Variants in SLC43A2 observed in about 807,000 individuals in gnomAD.
SLC43A2 encodes the protein large neutral amino acids transporter small subunit 4.
A neutral mutation model predicts 63.2 loss-of-function variants in SLC43A2; 38 were observed. The observed-to-expected ratio is 0.60, with a 90% CI of 0.46 to 0.79. SLC43A2 has a LOEUF of 0.79. Among genes scored for constraint, SLC43A2 ranks in the 30% least tolerant of loss-of-function variants. SLC43A2 has a pLI of 0.00. For synonymous variants in SLC43A2, 322 were observed against 331.0 expected, an observed-to-expected ratio of 0.97 and a Z score of 0.30; for missense variants, 644 against 756.2, an observed-to-expected ratio of 0.85 and a Z score of 1.74.
intron 1 of SLC43A2, chr17:1,628,149 G>C (rs4995767): frequency 0.015 from 4,718 of 323,048 alleles, 52 homozygotes; most frequent in Non-Finnish European, 0.019. Context: ...GCCCCGGCCA[G>C]GCAGGGAGAC....
At chr17:1,616,295 T>C (rs1002861076) in intron 3 of SLC43A2, 7 of 499,238 alleles carry the variant, frequency 1.4e-5, no homozygotes, top group Non-Finnish European at 2.5e-5. Flanking sequence ...TACAAAGGGA[T>C]GGGAAACACA....
chr17:1,594,645 TG>T (rs1905113743), intron 5 of SLC43A2, among the ~76,000 whole-genome samples: 2 of 138,284 alleles, frequency 1.4e-5, no homozygotes, highest in African/African-American at 2.7e-5. Context: ...TGTACTGCAG[TG>T]GCTCTATCTC....
chr17:1,587,015 A>G, intron 9 of SLC43A2: 1 of 1,520,022 alleles, frequency 6.6e-7, no homozygotes, highest in Non-Finnish European at 8.8e-7. Context: ...TAGTGGCAGA[A>G]ATCTCAGTGC....
intron 5 of SLC43A2, among the ~76,000 whole-genome samples, chr17:1,601,066 GTGTTTGTTTGTT>G (rs60232078): frequency 2.7e-5 from 4 of 150,390 alleles, no homozygotes; most frequent in South Asian, 2.1e-4. Flanking sequence ...CAGTTTGGTG[GTGTTTGTTTGTT>G]TGTTTGTTTG....
At chr17:1,586,178 C>A (rs2076099185) in intron 9 of SLC43A2, 127 bp from the exon 10 acceptor site, 2 of 1,399,272 alleles carry the variant, frequency 1.4e-6, no homozygotes, top group Non-Finnish European at 1.9e-6. Flanking sequence ...CCCCCTGTCA[C>A]TATGGGTCTT....
Position 1,625,134 on chromosome 17 carries a change from C to A in SLC43A2, c.160+2581G>T, listed in dbSNP as rs139758982. Among the ~76,000 whole-genome samples the A allele has an allele frequency of 1.5e-3, 228 of 152,240 alleles. 3 individuals are homozygous for A. Among genetic ancestry groups the A allele is most frequent in the African/African-American group, 5.3e-3 (220 of 41,562 alleles). ...CGAGGGAGGCATCCAGCAGCCAACA[C>A]CTGGAGGACGTTGTGCAAAACCCAT... On this transcript the variant is annotated intron_variant, in intron 2 of 13. Coordinates refer to ENST00000301335, the MANE Select transcript of SLC43A2 (RefSeq NM_152346.3).
At chr17:1,622,577 AC>A (rs1908270363) in intron 2 of SLC43A2, among the ~76,000 whole-genome samples, 2 of 141,908 alleles carry the variant, frequency 1.4e-5, no homozygotes, top group South Asian at 4.4e-4. Flanking sequence ...AAAAAAAAAA[AC>A]TATCCACACT....
chr17:1,614,972 CACTCACCGTTTGGTTT>C lies in SLC43A2; in HGVS notation c.415_424+6del, dbSNP rs779790778. 6.2e-6 allele frequency: 10 copies of C among 1,613,720 alleles called. No individual in the cohort carries two copies. Among genetic ancestry groups the C allele is most frequent in the Non-Finnish European group, 8.5e-6 (10 of 1,179,902 alleles). On this transcript the variant is annotated splice_donor_variant and splice_donor_5th_base_variant and coding_sequence_variant and intron_variant, in exon 4 of 14. Coordinates refer to ENST00000301335, the MANE Select transcript of SLC43A2 (RefSeq NM_152346.3). LOFTEE classifies it high-confidence loss of function. ...CCTGACAGAAGATGGAGGGAGAGGA[CACTCACCGTTTGGTTT>C]ACTTGCTCCGTACGCAATCAGCAAG...
At chr17:1,613,859 G>A (rs1157690695) in intron 4 of SLC43A2, among the ~76,000 whole-genome samples, 3 of 152,142 alleles carry the variant, frequency 2.0e-5, no homozygotes, top group African/African-American at 4.8e-5. Context: ...AACACTTTGG[G>A]AGGCTGAAGC....
Position 1,605,150 on chromosome 17 carries a change from C to T in SLC43A2, c.501+8045G>A, listed in dbSNP as rs962915318. The stretch of plus-strand genomic sequence containing the variant: ...ACAGCCCCCTCGCCGCCTCTGCCTC[C>T]GTGCGGGTCAACCTGTCCTGCCAGC... On this transcript the variant is annotated intron_variant, in intron 5 of 13. Coordinates refer to ENST00000301335, the MANE Select transcript of SLC43A2 (RefSeq NM_152346.3). The surrounding 1 kb of genome is among the most constrained non-coding windows in gnomAD (Gnocchi z 4.9). 3.1e-5 allele frequency: 39 copies of T among 1,258,402 alleles called. No individual in the cohort carries two copies. The highest frequency in any genetic ancestry group is 1.7e-4 in the East Asian group (4 of 23,888). 78.0% of individuals were successfully genotyped at this position (1,258,402 alleles called of 1,614,324 possible). A position where few individuals can be genotyped will look rare whatever the true frequency, so the allele number is the denominator to read the frequency against.
chr17:1,619,524 C>T (rs574633482), intron 2 of SLC43A2, among the ~76,000 whole-genome samples: 13 of 152,198 alleles, frequency 8.5e-5, no homozygotes, highest in South Asian at 2.1e-4. Flanking sequence ...CTCTACCACA[C>T]GGTCAGCCAA....
chr17:1,601,633 G>A (rs1906030911), intron 5 of SLC43A2, among the ~76,000 whole-genome samples: 1 of 151,386 alleles, frequency 6.6e-6, no homozygotes, highest in South Asian at 2.1e-4. Flanking sequence ...GACTACCCCA[G>A]GCATGCACCG....
chr17:1,582,616 A>T (rs536348930), intron 11 of SLC43A2, among the ~76,000 whole-genome samples: 2 of 152,314 alleles, frequency 1.3e-5, no homozygotes, highest in South Asian at 4.1e-4. Flanking sequence ...ACGGTTATGC[A>T]AGACGCCCCC....
Position 1,616,731 on chromosome 17 carries a change from G to A in SLC43A2, c.199C>T (p.Pro67Ser), listed in dbSNP as rs1907713993. 4 of 1,613,970 alleles carry A rather than the reference G, an allele frequency of 2.5e-6. No homozygotes were observed. Among genetic ancestry groups the A allele is most frequent in the Non-Finnish European group, 3.4e-6 (4 of 1,180,046 alleles). Reference sequence around the variant, plus strand: ...ATCCAGCTCACCTCCTCGTGCCCCGGCTCTGCTGTGCCGCCCACTGTGCCA... The same window carrying A: ...ATCCAGCTCACCTCCTCGTGCCCCGACTCTGCTGTGCCGCCCACTGTGCCA... ...TNGTVGGTAE[P>S]GHEEVSWMNG... The change falls in exon 3 of 14, where the codon CCG becomes TCG. Residue 67 changes from proline (P) to serine (S), a missense_variant. Pro to Ser is a moderately conservative substitution (Grantham distance 74). Transcript: ENST00000301335.
In SLC43A2 at chr17:1,578,650, TC is replaced by T; in HGVS notation, c.1351-328del. The T allele has an allele frequency of 3.6e-6, 1 of 277,270 alleles. No individual in the cohort carries two copies. Among genetic ancestry groups the T allele is most frequent in the South Asian group, 6.5e-5 (1 of 15,398 alleles). The allele number at this position is 277,270 out of a possible 1,614,324, so 17.2% of individuals were successfully genotyped here. The stretch of plus-strand genomic sequence containing the variant: ...TCAAGCAATTCTCCTGCCTCAGCCT[TC>T]GGAGTAGCTAGGATTACAGGCCCAC... On this transcript the variant is annotated intron_variant, in intron 11 of 13. Coordinates refer to ENST00000301335, the MANE Select transcript of SLC43A2 (RefSeq NM_152346.3). The surrounding 1 kb of genome is among the most constrained non-coding windows in gnomAD (Gnocchi z 6.5).
chr17:1,578,927 G>C lies in SLC43A2; in HGVS notation c.1351-604C>G, dbSNP rs1419358021. Among the ~76,000 whole-genome samples, 1 of 152,108 alleles carries C rather than the reference G, an allele frequency of 6.6e-6. No individual in the cohort carries two copies. Among genetic ancestry groups the C allele is most frequent in the Admixed American group, 6.5e-5 (1 of 15,276 alleles). ...AGGCCGAGGAGGTGGATCACCTGAG[G>C]TCAGGAGTTCGAAACCAGCCTGGCC... On this transcript the variant is annotated intron_variant, in intron 11 of 13. Transcript: ENST00000301335. This position sits in a 1 kb window ranked among gnomAD's most constrained non-coding sequence, Gnocchi z 6.5.
chr17:1,591,739 G>GCTGGGCC, intron 6 of SLC43A2, 40 bp from the exon 7 acceptor site: 1 of 512,308 alleles, frequency 2.0e-6, no homozygotes, highest in Non-Finnish European at 3.9e-6. Context: ...GGGGGAGGGG[G>GCTGGGCC]CAGAGTTAGC....
At chr17:1,624,759 C>T (rs1476960765) in intron 2 of SLC43A2, among the ~76,000 whole-genome samples, 5 of 151,520 alleles carry the variant, frequency 3.3e-5, no homozygotes, top group East Asian at 3.9e-4. Flanking sequence ...AGTATGGTGG[C>T]GCACACTTGT....
At chr17:1,581,652 C>T (rs535091216) in intron 11 of SLC43A2, among the ~76,000 whole-genome samples, 1 of 152,288 alleles carries the variant, frequency 6.6e-6, no homozygotes, top group East Asian at 1.9e-4. Flanking sequence ...CGTCCCTCCA[C>T]CATTTGTAAA....
Sources: allele counts gnomAD v4.1 joint callset (sites outside exome capture counted in the v4.1 genomes callset), GRCh38; gene constraint gnomAD v4.1.1; non-coding constraint Gnocchi (gnomAD v3.1); transcripts MANE v1.5; gene names NCBI Gene and HGNC (gene_info 2026-07-23, HGNC 2026-07-21).